Variants in UBOX5 observed in about 807,000 individuals in gnomAD.
UBOX5 encodes U-box domain containing 5, also known as RING finger protein 37.
UBOX5 carries 28 observed loss-of-function variants against 39.0 expected under a neutral mutation model. The observed-to-expected ratio is 0.72, with a 90% CI of 0.53 to 0.98. UBOX5 has a LOEUF of 0.98. UBOX5 is among the 50% of genes least tolerant of loss of function. UBOX5 has a pLI of 0.00. For synonymous variants in UBOX5, 283 were observed against 275.5 expected (o/e 1.03, Z -0.27); for missense variants, 585 against 674.4 (o/e 0.87, Z 1.47).
In UBOX5 at chr20:3,109,896, C is replaced by G; in HGVS notation, c.*210G>C. ...GGGGGTGGCAGGGAGGCAGGGACATCCCCCCGCCCTCTGGCCTATGGCTTT... is the reference window on the plus strand; with the variant it reads ...GGGGGTGGCAGGGAGGCAGGGACATGCCCCCGCCCTCTGGCCTATGGCTTT... On this transcript the variant is annotated 3_prime_UTR_variant, in exon 5 of 5. Transcript: ENST00000217173. The G allele has an allele frequency of 1.6e-6, 1 of 624,968 alleles. No homozygotes were observed. Among genetic ancestry groups the G allele is most frequent in the Non-Finnish European group, 2.8e-6 (1 of 362,066 alleles). The allele number at this position is 624,968 out of a possible 1,614,324, so 38.7% of individuals were successfully genotyped here. A position where few individuals can be genotyped will look rare whatever the true frequency, so the allele number is the denominator to read the frequency against.
At position 3,115,447 on chromosome 20, in the gene UBOX5, C is replaced by A. The variant is rs1435613707; in HGVS notation, c.1275G>T (p.Gln425His). Residue 425 changes from glutamine to histidine, a missense_variant, in exon 4 of 5, where the codon CAG (glutamine) becomes CAT (histidine). By Grantham distance (24) the Gln-to-His change is conservative. Transcript: ENST00000217173. The part of the protein sequence containing the change: ...DCSTGPLSHE[Q>H]KLSQSLEIAL... ...CAATTTCCAAGCTTTGTGACAGCTT[C>A]TGCTCGTGGGACAGTGGACCTGTCG... is the stretch of plus-strand genomic sequence containing the variant. 7.4e-6 allele frequency: 12 copies of A among 1,613,442 alleles called. No homozygotes were observed. The highest frequency in any genetic ancestry group is 1.6e-4 in the Middle Eastern group (1 of 6,080).
intron 1 of UBOX5, among the ~76,000 whole-genome samples, chr20:3,139,540 C>T (rs563966295): frequency 1.2e-4 from 18 of 151,668 alleles, no homozygotes; most frequent in African/African-American, 4.1e-4. Context: ...CAGGCACCCA[C>T]CACCACACCC....
chr20:3,128,388 GATGCC>G (rs1306903433), intron 1 of UBOX5, among the ~76,000 whole-genome samples: 1 of 152,194 alleles, frequency 6.6e-6, no homozygotes, highest in Non-Finnish European at 1.5e-5. Context: ...GCAAGCCTAG[GATGCC>G]AAAGGAAAGC....
chr20:3,150,712 C>G (rs1161504078), intron 1 of UBOX5: 1 of 152,186 alleles, frequency 6.6e-6, no homozygotes, highest in African/African-American at 2.4e-5. Context: ...AGCACATCAT[C>G]ATTTAGTTCA....
At chr20:3,113,866 G>A (rs1227776150) in intron 4 of UBOX5, among the ~76,000 whole-genome samples, 2 of 152,178 alleles carry the variant, frequency 1.3e-5, no homozygotes, top group East Asian at 1.9e-4. Context: ...GGCCATGATG[G>A]CTCATGCCTG....
intron 1 of UBOX5, among the ~76,000 whole-genome samples, chr20:3,152,607 A>T (rs576577107): frequency 6.6e-6 from 1 of 152,224 alleles, no homozygotes; most frequent in East Asian, 1.9e-4. Context: ...TCTTCATCTC[A>T]TTTGAGGAAG....
intron 1 of UBOX5, among the ~76,000 whole-genome samples, chr20:3,124,368 G>T (rs2066361449): frequency 6.6e-6 from 1 of 152,116 alleles, no homozygotes; most frequent in African/African-American, 2.4e-5. Flanking sequence ...TGAGTGATCT[G>T]CCCGCCTTGG....
intron 1 of UBOX5, among the ~76,000 whole-genome samples, chr20:3,155,094 A>G (rs899796857): frequency 1.3e-5 from 2 of 151,632 alleles, no homozygotes; most frequent in Admixed American, 6.6e-5. Flanking sequence ...AAAAGAAAAA[A>G]TAAATATAGT....
Position 3,109,722 on chromosome 20 carries a change from G to A in UBOX5, c.*384C>T, listed in dbSNP as rs1048265111. On this transcript the variant is annotated 3_prime_UTR_variant, in exon 5 of 5. Coordinates refer to ENST00000217173, the MANE Select transcript of UBOX5 (RefSeq NM_014948.4). ...ACTTTTGGATGACCCTGAAGGCAGA[G>A]ACTCCTGAGATCTGGGCCACAATCT... The A allele has an allele frequency of 3.9e-6, 1 of 258,054 alleles. No individual in the cohort carries two copies. Among genetic ancestry groups the A allele is most frequent in the African/African-American group, 2.2e-5 (1 of 45,666 alleles). The allele number at this position is 258,054 out of a possible 1,614,324, so 16.0% of individuals were successfully genotyped here.
rs1229650063 is a variant in UBOX5, at chr20:3,121,662, G to A, written c.977C>T (p.Ala326Val). ...SQPLPHPSLK[A>V]RIDHFLLQHS... ...CTGGAGCAGGAAATGGTCAATCCGG[G>A]CCTTGAGGGAGGGGTGAGGCAGGGG... The change falls in exon 3 of 5, where the codon GCC becomes GTC. Residue 326 changes from alanine (A) to valine (V), a missense_variant. Coordinates refer to ENST00000217173, the MANE Select transcript of UBOX5 (RefSeq NM_014948.4). 2.5e-6 allele frequency: 4 copies of A among 1,613,624 alleles called. No individual in the cohort carries two copies. Among genetic ancestry groups the A allele is most frequent in the African/African-American group, 1.3e-5 (1 of 74,904 alleles).
intron 1 of UBOX5, chr20:3,148,330 C>A: frequency 6.2e-7 from 1 of 1,613,970 alleles, no homozygotes; most frequent in Non-Finnish European, 8.5e-7. Context: ...AGAGATCAGC[C>A]ACCAAAAGGA....
At chr20:3,121,270 A>G (rs758077718) in intron 3 of UBOX5, 114 bp downstream of exon 3, 12 of 1,441,474 alleles carry the variant, frequency 8.3e-6, no homozygotes, top group Non-Finnish European at 1.1e-5. Context: ...GAGGCAGCAC[A>G]GGCACAGCCT....
At position 3,121,788 on chromosome 20, in the gene UBOX5, A is replaced by G; in HGVS notation, c.851T>C (p.Ile284Thr). ...ACACTTCTCCAGTGTGCTCTGGTCG[A>G]TGACCTTGCCTGAGGGCAGCAGCAT... ...CPMLLPSGKV[I>T]DQSTLEKCNR... Residue 284 changes from isoleucine to threonine, a missense_variant, in exon 3 of 5, where the codon ATC (isoleucine) becomes ACC (threonine). Ile to Thr is a moderately conservative substitution (Grantham distance 89, BLOSUM62 -1). Coordinates refer to ENST00000217173, the MANE Select transcript of UBOX5 (RefSeq NM_014948.4). The G allele has an allele frequency of 6.2e-7, 1 of 1,614,106 alleles. No individual in the cohort carries two copies. Among genetic ancestry groups the G allele is most frequent in the South Asian group, 1.1e-5 (1 of 91,078 alleles).
At chr20:3,121,269 C>T in intron 3 of UBOX5, 115 bp downstream of exon 3, 1 of 1,449,608 alleles carries the variant, frequency 6.9e-7, no homozygotes, top group South Asian at 1.4e-5. Context: ...GGAGGCAGCA[C>T]AGGCACAGCC....
At chr20:3,124,263 G>A (rs531720242) in intron 1 of UBOX5, among the ~76,000 whole-genome samples, 92 of 152,208 alleles carry the variant, frequency 6.0e-4, no homozygotes, top group African/African-American at 1.9e-3. Flanking sequence ...CTCTGTTGCC[G>A]AGGCTGGACT....
Position 3,123,372 on chromosome 20 carries a change from G to A in UBOX5, c.-7C>T. ...GGCAAAGATTTATTACCATCTTTGT[G>A]GCTGAGAGGATATCTTCCAAGCATC... On this transcript the variant is annotated 5_prime_UTR_variant, in exon 2 of 5. Coordinates refer to ENST00000217173, the MANE Select transcript of UBOX5 (RefSeq NM_014948.4). 1.2e-6 allele frequency: 2 copies of A among 1,613,654 alleles called. No homozygotes were observed. Among genetic ancestry groups the A allele is most frequent in the Non-Finnish European group, 1.7e-6 (2 of 1,179,840 alleles).
At chr20:3,119,818 C>T (rs143184722) in intron 3 of UBOX5, among the ~76,000 whole-genome samples, 156 of 152,156 alleles carry the variant, frequency 1.0e-3, no homozygotes, top group African/African-American at 3.5e-3. Context: ...TGCGCCATTG[C>T]ACTCCAGCCT....
intron 1 of UBOX5, among the ~76,000 whole-genome samples, chr20:3,133,584 A>G (rs2066445969): frequency 6.6e-6 from 1 of 152,204 alleles, no homozygotes; most frequent in South Asian, 2.1e-4. Flanking sequence ...ATAAAATAGT[A>G]GACACTCTTG....
In UBOX5 at chr20:3,124,492, G is replaced by A. The variant is rs572300106; in HGVS notation, c.-41-1086C>T. On this transcript the variant is annotated intron_variant, in intron 1 of 4. Transcript: ENST00000217173. ...TCGCTACAACCTCCACCTCCCAGCCGCCTGCCTTGACCTCCCAAAGTGCTA... is the reference window on the plus strand; with the variant it reads ...TCGCTACAACCTCCACCTCCCAGCCACCTGCCTTGACCTCCCAAAGTGCTA... Among the ~76,000 whole-genome samples, 705 of 152,302 alleles carry A rather than the reference G, an allele frequency of 4.6e-3. 1 individual carries two copies. Among genetic ancestry groups the A allele is most frequent in the Non-Finnish European group, 7.0e-3 (474 of 68,030 alleles).
Sources: gnomAD v4.1 joint callset for allele counts (sites outside exome capture counted in the v4.1 genomes callset) on GRCh38, gnomAD v4.1.1 for gene constraint, MANE v1.5 for transcripts, NCBI Gene and HGNC (gene_info 2026-07-23, HGNC 2026-07-21) for gene names.